NEDD4: variants seen among roughly 807,000 people sequenced by gnomAD.
The protein encoded by NEDD4 is E3 ubiquitin-protein ligase NEDD4.
A neutral mutation model predicts 144.9 loss-of-function variants in NEDD4; 99 were observed. The ratio of observed to expected loss-of-function variants is 0.68; its 90% CI spans 0.58 to 0.81. The LOEUF (loss-of-function observed/expected upper bound fraction) is 0.81. Ranked by LOEUF, NEDD4 falls within the 30% of genes least tolerant of loss-of-function variation. The pLI, the probability that NEDD4 is intolerant of heterozygous loss-of-function variation, is 0.00. For missense variants in NEDD4, 985 were observed against 1,065.9 expected, an observed-to-expected ratio of 0.92 and a Z score of 1.06; for synonymous variants, 318 against 350.6, an observed-to-expected ratio of 0.91 and a Z score of 1.04.
At chr15:55,850,839 ACCCT>A in intron 13 of NEDD4, 97 bp from the exon 14 acceptor site, 1 of 1,016,672 alleles carries the variant, frequency 9.8e-7, no homozygotes, top group South Asian at 1.7e-5. Context: ...TAGAATACAC[ACCCT>A]CCATTAAAGA....
intron 1 of NEDD4, among the ~76,000 whole-genome samples, chr15:55,972,424 T>C (rs1328935789): frequency 6.6e-6 from 1 of 152,196 alleles, no homozygotes; most frequent in Non-Finnish European, 1.5e-5. Flanking sequence ...CTTTTCCTGT[T>C]TGTTTTTGCA....
chr15:55,874,362 T>C (rs949437771), intron 5 of NEDD4, among the ~76,000 whole-genome samples: 2 of 152,104 alleles, frequency 1.3e-5, no homozygotes, highest in Non-Finnish European at 2.9e-5. Flanking sequence ...TTTCCTCTAG[T>C]AGTATTCTAC....
intron 4 of NEDD4, among the ~76,000 whole-genome samples, chr15:55,943,425 A>G (rs1038320221): frequency 6.6e-6 from 1 of 152,162 alleles, no homozygotes; most frequent in Non-Finnish European, 1.5e-5. Context: ...CTGCTGCCCT[A>G]CACAACCTTG....
intron 5 of NEDD4, 185 bp downstream of exon 5, chr15:55,924,461 T>C (rs1212504772): frequency 7.1e-6 from 4 of 565,018 alleles, no homozygotes; most frequent in South Asian, 2.3e-5. Context: ...GGGAGGAGAA[T>C]GGAAAGGGAG....
chr15:55,927,099 AG>A (rs749092459), intron 4 of NEDD4, among the ~76,000 whole-genome samples: 7,010 of 134,024 alleles, frequency 0.052, 254 homozygotes, highest in Middle Eastern at 0.079. Context: ...AAAAAAAAAA[AG>A]AAAGAAAGAA....
intron 1 of NEDD4, among the ~76,000 whole-genome samples, chr15:55,978,302 G>A (rs1288285845): frequency 3.3e-5 from 5 of 152,176 alleles, no homozygotes; most frequent in Non-Finnish European, 7.4e-5. Flanking sequence ...TATTTTAAAT[G>A]CTAAGATTAA....
intron 5 of NEDD4, chr15:55,916,578 C>T (rs1284901257): frequency 6.2e-7 from 1 of 1,613,970 alleles, no homozygotes; most frequent in African/African-American, 1.3e-5. Flanking sequence ...CTGTAGACAG[C>T]TGCTCTTTTT....
chr15:55,938,588 A>C (rs1375137077), intron 4 of NEDD4, among the ~76,000 whole-genome samples: 3 of 152,304 alleles, frequency 2.0e-5, no homozygotes, highest in Middle Eastern at 3.4e-3. Flanking sequence ...AAACAAAGGC[A>C]ATGAAAGCAA....
intron 5 of NEDD4, chr15:55,915,297 G>C: frequency 6.3e-7 from 1 of 1,586,462 alleles, no homozygotes; most frequent in Non-Finnish European, 8.5e-7. Context: ...GCAAGAATTA[G>C]ACAGTTCATT....
intron 1 of NEDD4, among the ~76,000 whole-genome samples, chr15:55,970,490 A>C (rs2037589379): frequency 6.6e-6 from 1 of 152,204 alleles, no homozygotes. Flanking sequence ...TTCAGGTGTG[A>C]CCCAACACAG....
intron 27 of NEDD4, among the ~76,000 whole-genome samples, chr15:55,832,522 C>T (rs2033002823): frequency 6.6e-6 from 1 of 152,130 alleles, no homozygotes; most frequent in South Asian, 2.1e-4. Flanking sequence ...TCAAGCAATT[C>T]TCCTGCCTCA....
At chr15:55,975,927 C>T (rs1485815417) in intron 1 of NEDD4, among the ~76,000 whole-genome samples, 1 of 152,148 alleles carries the variant, frequency 6.6e-6, no homozygotes, top group Non-Finnish European at 1.5e-5. Flanking sequence ...GGCATAAAAA[C>T]AGACGTACAA....
chr15:55,898,083 T>A (rs1442945532), intron 5 of NEDD4, among the ~76,000 whole-genome samples: 1 of 152,198 alleles, frequency 6.6e-6, no homozygotes, highest in Non-Finnish European at 1.5e-5. Flanking sequence ...ACAACTCAAG[T>A]GGACTTAGAT....
chr15:55,832,932 G>C (rs1324462953), intron 27 of NEDD4, 76 bp downstream of exon 27: 1 of 964,238 alleles, frequency 1.0e-6, no homozygotes, highest in Non-Finnish European at 1.6e-6. Flanking sequence ...AATGATGGAA[G>C]CTTGCGGATT....
intron 1 of NEDD4, among the ~76,000 whole-genome samples, chr15:55,979,909 A>C (rs529588145): frequency 2.0e-5 from 3 of 150,158 alleles, no homozygotes; most frequent in African/African-American, 7.3e-5. Flanking sequence ...TTATAATTAT[A>C]ATTATTACTT....
At chr15:55,941,137 G>A (rs559351348) in intron 4 of NEDD4, among the ~76,000 whole-genome samples, 28 of 151,980 alleles carry the variant, frequency 1.8e-4, no homozygotes, top group African/African-American at 5.3e-4. Context: ...TCTCATATAA[G>A]GCCAGCTGTT....
chr15:55,934,083 G>A (rs566318207), intron 4 of NEDD4, among the ~76,000 whole-genome samples: 18 of 152,298 alleles, frequency 1.2e-4, no homozygotes, highest in African/African-American at 4.1e-4. Flanking sequence ...AACCCAGGAG[G>A]TGGAGGTTGC....
intron 24 of NEDD4, 21 bp downstream of exon 24, chr15:55,837,768 C>G: frequency 6.3e-7 from 1 of 1,590,878 alleles, no homozygotes; most frequent in Non-Finnish European, 8.6e-7. Context: ...TATGGAAGAG[C>G]AAATAAAAGA....
chr15:55,937,498 A>G (rs1438427012), intron 4 of NEDD4, among the ~76,000 whole-genome samples: 9 of 152,230 alleles, frequency 5.9e-5, no homozygotes, highest in African/African-American at 2.2e-4. Context: ...AAATAGCAGA[A>G]TTTCTAATTG....
Sources: allele counts gnomAD v4.1 joint callset (sites outside exome capture counted in the v4.1 genomes callset), GRCh38; gene constraint gnomAD v4.1.1; transcripts MANE v1.5; gene names NCBI Gene and HGNC (gene_info 2026-07-23, HGNC 2026-07-21).